The following TOP1 variants were observed in gnomAD, a reference collection of about 807,000 sequenced individuals.
TOP1 encodes the protein DNA topoisomerase I, also known as DNA topoisomerase 1.
In TOP1, 10 loss-of-function variants were observed where a neutral mutation model predicts 111.1. The ratio of observed to expected loss-of-function variants is 0.09; its 90% CI spans 0.06 to 0.15. The LOEUF (loss-of-function observed/expected upper bound fraction) is 0.15, where lower values mean the gene tolerates loss of function less well. Ranked by LOEUF, TOP1 falls within the 10% of genes least tolerant of loss-of-function variation. The probability of loss-of-function intolerance (pLI) is 1.00; values close to 1 mark genes in which losing one functional copy is unlikely to be tolerated. For synonymous variants in TOP1, 271 were observed against 302.9 expected (o/e 0.89, Z 1.10); for missense variants, 474 against 926.7 (o/e 0.51, Z 6.34).
At chr20:41,084,180 C>A (rs1426423249) in intron 7 of TOP1, among the ~76,000 whole-genome samples, 1 of 151,878 alleles carries the variant, frequency 6.6e-6, no homozygotes, top group East Asian at 1.9e-4. Flanking sequence ...TTTCCAAACT[C>A]CTTTGAGGTT....
Position 41,119,396 on chromosome 20 carries a change from C to CT in TOP1, c.1950+1102dup, listed in dbSNP as rs1157515173. Among the ~76,000 whole-genome samples the CT allele has an allele frequency of 5.9e-5, 9 of 152,302 alleles. No individual in the cohort carries two copies. In the South Asian group the frequency reaches 1.5e-3, roughly 25 times the overall value. ...TTGGGAGGTTGAGGTGGGAGAATCA[C>CT]TTGAGCTGAGTAATTCAAGACCAAC... On this transcript the variant is annotated intron_variant, in intron 18 of 20. Transcript: ENST00000361337.
rs1449066365 is a variant in TOP1, at chr20:41,032,247, T to TC, written c.58+2798dup. ...CTAAGATATAAAAGATTCCCCCCCGTCCCCCCACTTTGGAGCTCATTCTTC... is the reference window on the plus strand; with the variant it reads ...CTAAGATATAAAAGATTCCCCCCCGTCCCCCCCACTTTGGAGCTCATTCTTC... On this transcript the variant is annotated intron_variant, in intron 2 of 20. Transcript: ENST00000361337. This position sits in a 1 kb window ranked among gnomAD's most constrained non-coding sequence, Gnocchi z 4.3. 6.6e-6 allele frequency among the ~76,000 whole-genome samples: 1 copy of TC among 151,774 alleles called. No homozygotes were observed. Among genetic ancestry groups the TC allele is most frequent in the Non-Finnish European group, 1.5e-5 (1 of 67,968 alleles).
chr20:41,091,667 G>A (rs776096438), intron 8 of TOP1, among the ~76,000 whole-genome samples: 1 of 140,064 alleles, frequency 7.1e-6, no homozygotes, highest in African/African-American at 2.7e-5. Flanking sequence ...AGCAATTCTC[G>A]TGCCTCAGCC....
At chr20:41,045,326 T>C (rs1040363741) in intron 2 of TOP1, among the ~76,000 whole-genome samples, 9 of 152,122 alleles carry the variant, frequency 5.9e-5, no homozygotes, top group Non-Finnish European at 1.2e-4. Context: ...TTTGATGTTA[T>C]GAGTTTGAAT....
chr20:41,047,184 C>G (rs1198387325), intron 2 of TOP1, among the ~76,000 whole-genome samples: 1 of 152,212 alleles, frequency 6.6e-6, no homozygotes, highest in African/African-American at 2.4e-5. Flanking sequence ...TTGTGTGGTC[C>G]ACGAACTAAG....
rs2034452020 is a variant in TOP1 at position 41,123,525 on chromosome 20, G to A, written c.*228G>A. 9.5e-6 allele frequency: 4 copies of A among 420,674 alleles called. No individual in the cohort carries two copies. In the East Asian group the frequency reaches 1.5e-4, roughly 16 times the overall value. 26.1% of individuals were successfully genotyped at this position (420,674 alleles called of 1,614,324 possible). On this transcript the variant is annotated 3_prime_UTR_variant, in exon 21 of 21. Transcript: ENST00000361337. The surrounding 1 kb of genome is among the most constrained non-coding windows in gnomAD (Gnocchi z 5.8). ...TCAGATATCAAAATTCTAGCTGTAT[G>A]ATTTGTTTTGAATTTTGTTTTTATT...
Position 41,110,669 on chromosome 20 carries a change from A to T in TOP1, c.1309-2113A>T, listed in dbSNP as rs2145961847. 6.6e-6 allele frequency among the ~76,000 whole-genome samples: 1 copy of T among 152,322 alleles called. No homozygotes were observed. Among genetic ancestry groups the T allele is most frequent in the Non-Finnish European group, 1.5e-5 (1 of 68,032 alleles). ...AAAGAATGTCATCTACAATCAGTTA[A>T]ATTAGATTTTTACCCATTACTGAAG... is the stretch of plus-strand genomic sequence containing the variant. On this transcript the variant is annotated intron_variant, in intron 13 of 20. Transcript: ENST00000361337. This position sits in a 1 kb window ranked among gnomAD's most constrained non-coding sequence, Gnocchi z 4.2.
At chr20:41,053,682 T>A (rs887624604) in intron 2 of TOP1, among the ~76,000 whole-genome samples, 3 of 152,250 alleles carry the variant, frequency 2.0e-5, no homozygotes, top group African/African-American at 7.2e-5. Flanking sequence ...ACTGTTACTT[T>A]AATGTTAATT....
At chr20:41,104,702 A>G (rs934812878) in intron 13 of TOP1, among the ~76,000 whole-genome samples, 10 of 152,264 alleles carry the variant, frequency 6.6e-5, no homozygotes, top group East Asian at 1.9e-4. Context: ...TTGAACTGCA[A>G]TGGGATCCCA....
intron 9 of TOP1, among the ~76,000 whole-genome samples, chr20:41,093,640 A>G (rs1461799360): frequency 2.6e-5 from 4 of 152,132 alleles, no homozygotes; most frequent in Non-Finnish European, 5.9e-5. Context: ...CTGAAAAGAA[A>G]AAGTTCTGGG....
intron 2 of TOP1, among the ~76,000 whole-genome samples, chr20:41,038,149 A>T (rs1184396230): frequency 6.6e-6 from 1 of 152,160 alleles, no homozygotes. Context: ...ACAGAATGCG[A>T]ATAGTCTCCC....
chr20:41,122,426 A>T lies in TOP1; in HGVS notation c.2195+271A>T, dbSNP rs1406427068. ...GAGGCAGGTGCCATCCCTATTCCTA[A>T]TGGAACTTTAGGACAGGAATGGAAA... is the stretch of plus-strand genomic sequence containing the variant. On this transcript the variant is annotated intron_variant, in intron 20 of 20. Transcript: ENST00000361337. The surrounding 1 kb of genome is among the most constrained non-coding windows in gnomAD (Gnocchi z 5.4). 6.6e-6 allele frequency among the ~76,000 whole-genome samples: 1 copy of T among 152,018 alleles called. No individual in the cohort carries two copies. Among genetic ancestry groups the T allele is most frequent in the Non-Finnish European group, 1.5e-5 (1 of 68,018 alleles).
intron 3 of TOP1, 66 bp from the exon 4 acceptor site, chr20:41,076,105 A>G: frequency 1.3e-6 from 2 of 1,536,956 alleles, no homozygotes; most frequent in Non-Finnish European, 1.8e-6. Flanking sequence ...ATCTTAGGAT[A>G]TCTTGTGAAA....
rs148436294 is a variant in TOP1 at position 41,075,219 on chromosome 20, T to A, written c.156-952T>A. Among the ~76,000 whole-genome samples the A allele has an allele frequency of 3.6e-3, 546 of 152,336 alleles. 3 individuals carry two copies. Among genetic ancestry groups the A allele is most frequent in the African/African-American group, 0.013 (522 of 41,568 alleles). On this transcript the variant is annotated intron_variant, in intron 3 of 20. Coordinates refer to ENST00000361337, the MANE Select transcript of TOP1 (RefSeq NM_003286.4). The stretch of plus-strand genomic sequence containing the variant: ...CAGAGTCTCGCTCTTTCGCCCAGGC[T>A]GGAGTGCAGTGGCACTATCTCGGCT...
chr20:41,041,690 A>G (rs908801537), intron 2 of TOP1, among the ~76,000 whole-genome samples: 1 of 152,168 alleles, frequency 6.6e-6, no homozygotes, highest in Non-Finnish European at 1.5e-5. Flanking sequence ...AGTTGATTCT[A>G]TAGTGGAAGG....
intron 3 of TOP1, chr20:41,073,505 CTTAT>C (rs2145933404): frequency 1.0e-6 from 1 of 983,310 alleles, no homozygotes; most frequent in African/African-American, 1.7e-5. Context: ...AAGCTAGGAC[CTTAT>C]AGCAAGTCTC....
At chr20:41,088,294 C>T (rs543494670) in intron 8 of TOP1, among the ~76,000 whole-genome samples, 1 of 152,190 alleles carries the variant, frequency 6.6e-6, no homozygotes, top group Middle Eastern at 3.4e-3. Context: ...GTCAGTAGAT[C>T]GAGACCATCC....
intron 8 of TOP1, among the ~76,000 whole-genome samples, chr20:41,091,829 G>A (rs2033924196): frequency 6.6e-6 from 1 of 152,084 alleles, no homozygotes; most frequent in Admixed American, 6.5e-5. Flanking sequence ...CTCCCAAAGT[G>A]CTGGGATTAC....
Position 41,060,684 on chromosome 20 carries a change from T to A in TOP1, c.59-710T>A, listed in dbSNP as rs1042474288. Reference sequence around the variant, plus strand: ...GGACCACCCCACCCCCTGTCCCTAGTATACCAAAATTTGCAGATGTTCAAG... The same window carrying A: ...GGACCACCCCACCCCCTGTCCCTAGAATACCAAAATTTGCAGATGTTCAAG... On this transcript the variant is annotated intron_variant, in intron 2 of 20. Coordinates refer to ENST00000361337, the MANE Select transcript of TOP1 (RefSeq NM_003286.4). 2.8e-4 allele frequency among the ~76,000 whole-genome samples: 42 copies of A among 152,182 alleles called. 1 individual carries two copies. Among genetic ancestry groups the A allele is most frequent in the Non-Finnish European group, 1.5e-5 (1 of 68,028 alleles).
Sources: allele counts gnomAD v4.1 joint callset (sites outside exome capture counted in the v4.1 genomes callset), GRCh38; gene constraint gnomAD v4.1.1; non-coding constraint Gnocchi (gnomAD v3.1); transcripts MANE v1.5; gene names NCBI Gene and HGNC (gene_info 2026-07-23, HGNC 2026-07-21).